The following SLIT3 variants were observed in gnomAD, a reference collection of about 807,000 sequenced individuals.
SLIT3 encodes slit guidance ligand 3.
A neutral mutation model predicts 184.0 loss-of-function variants in SLIT3; 68 were observed. That is an observed-to-expected ratio of 0.37 (90% CI 0.30 to 0.45). The LOEUF (loss-of-function observed/expected upper bound fraction) is 0.45, where lower values mean the gene tolerates loss of function less well. Ranked by LOEUF, SLIT3 falls within the 20% of genes least tolerant of loss-of-function variation. The pLI, the probability that SLIT3 is intolerant of heterozygous loss-of-function variation, is 1.00. For synonymous variants in SLIT3, 831 were observed against 828.6 expected, an observed-to-expected ratio of 1.00 and a Z score of -0.05; for missense variants, 1,707 against 2,026.0, an observed-to-expected ratio of 0.84 and a Z score of 3.02.
In SLIT3 at chr5:168,967,437, C is replaced by CTTTTTTTTTTTTTTT. The variant is rs540309809; in HGVS notation, c.414-84116_414-84102dup. On this transcript the variant is annotated intron_variant, in intron 4 of 35. Coordinates refer to ENST00000519560, the MANE Select transcript of SLIT3 (RefSeq NM_003062.4). ...TTCCTCTGGCACTGCCATCTCAAAT[C>CTTTTTTTTTTTTTTT]TTTTTTTTTTTTTTTTTTTTGAGAC... Among the ~76,000 whole-genome samples, 16 of 32,736 alleles carry CTTTTTTTTTTTTTTT rather than the reference C, an allele frequency of 4.9e-4. 4 individuals are homozygous for CTTTTTTTTTTTTTTT. The highest frequency in any genetic ancestry group is 4.4e-3 in the East Asian group (2 of 450). The allele number at this position is 32,736 out of a possible 152,430, so 21.5% of individuals were successfully genotyped here.
At chr5:168,712,510 G>A in intron 23 of SLIT3, 156 bp from the exon 24 acceptor site, 1 of 659,508 alleles carries the variant, frequency 1.5e-6, no homozygotes, top group Non-Finnish European at 2.7e-6. Context: ...CTGGGTGCAT[G>A]AATGTTCTAT....
Position 168,764,113 on chromosome 5 carries a change from A to G in SLIT3, c.1460-1424T>C, listed in dbSNP as rs184118363. ...TTATCTTCCAGGGGCTGTTGTGCAGATGAAAGTAACATTAAGGAGGTGGAG... is the reference window on the plus strand; with the variant it reads ...TTATCTTCCAGGGGCTGTTGTGCAGGTGAAAGTAACATTAAGGAGGTGGAG... On this transcript the variant is annotated intron_variant, in intron 14 of 35. Coordinates refer to ENST00000519560, the MANE Select transcript of SLIT3 (RefSeq NM_003062.4). 3.6e-3 allele frequency among the ~76,000 whole-genome samples: 546 copies of G among 152,302 alleles called. 3 individuals carry two copies. The highest frequency in any genetic ancestry group is 0.012 in the African/African-American group (511 of 41,564).
chr5:168,850,442 T>TAC (rs1416078952), intron 5 of SLIT3, among the ~76,000 whole-genome samples: 7 of 152,390 alleles, frequency 4.6e-5, no homozygotes, highest in Non-Finnish European at 7.3e-5. Context: ...CATATGTAGT[T>TAC]ACATGTAATA....
chr5:168,716,868 G>C lies in SLIT3; in HGVS notation c.2484-4514C>G, dbSNP rs542524039. On this transcript the variant is annotated intron_variant, in intron 23 of 35. Coordinates refer to ENST00000519560, the MANE Select transcript of SLIT3 (RefSeq NM_003062.4). ...GTAGAATGTGGTAGAAAGAGCACTG[G>C]GCTAGGAGCCCAGAGGTGAGTCCCA... 5.9e-3 allele frequency among the ~76,000 whole-genome samples: 892 copies of C among 150,216 alleles called. 5 individuals carry two copies. Among genetic ancestry groups the C allele is most frequent in the South Asian group, 0.011 (53 of 4,750 alleles).
intron 1 of SLIT3, among the ~76,000 whole-genome samples, chr5:169,297,231 G>GA (rs1188246907): frequency 6.6e-6 from 1 of 152,180 alleles, no homozygotes; most frequent in Non-Finnish European, 1.5e-5. Flanking sequence ...CATGGAGGGG[G>GA]AAAAATTGTC....
intron 4 of SLIT3, among the ~76,000 whole-genome samples, chr5:169,011,946 C>CTT (rs35743496): frequency 0.067 from 9,429 of 140,594 alleles, 991 homozygotes; most frequent in African/African-American, 0.22. Flanking sequence ...TTCTTTCTTG[C>CTT]TTTTTTTTTT....
chr5:169,299,729 G>A (rs1348116435), intron 1 of SLIT3, among the ~76,000 whole-genome samples: 1 of 152,172 alleles, frequency 6.6e-6, no homozygotes, highest in Non-Finnish European at 1.5e-5. Context: ...TAAAACTAGG[G>A]TCAATCCACC....
chr5:168,899,183 GA>G (rs1483398691), intron 4 of SLIT3, among the ~76,000 whole-genome samples: 1 of 142,534 alleles, frequency 7.0e-6, no homozygotes, highest in Non-Finnish European at 1.6e-5. Context: ...CTTAAGAACA[GA>G]AAACAAAGAG....
intron 3 of SLIT3, among the ~76,000 whole-genome samples, chr5:169,217,234 G>A (rs1401513186): frequency 1.3e-5 from 2 of 151,898 alleles, no homozygotes; most frequent in African/African-American, 2.4e-5. Flanking sequence ...ATAAATTGGT[G>A]TGAAGACAGC....
intron 3 of SLIT3, among the ~76,000 whole-genome samples, chr5:169,221,708 C>G (rs141170296): frequency 7.2e-5 from 11 of 152,290 alleles, no homozygotes; most frequent in African/African-American, 2.4e-4. Context: ...CTGACTCCCC[C>G]GCCAGCCATC....
intron 4 of SLIT3, among the ~76,000 whole-genome samples, chr5:169,136,930 C>G (rs7721204): frequency 0.053 from 8,114 of 152,128 alleles, 254 homozygotes; most frequent in Middle Eastern, 0.11. Flanking sequence ...CTATTTTGCC[C>G]AGGCTGGCCT....
intron 28 of SLIT3, among the ~76,000 whole-genome samples, chr5:168,694,626 TTTC>T (rs1170482926): frequency 1.3e-5 from 2 of 152,160 alleles, no homozygotes; most frequent in Non-Finnish European, 1.5e-5. Flanking sequence ...TCTCTCTTTC[TTTC>T]TTTTTTTGAG....
intron 31 of SLIT3, among the ~76,000 whole-genome samples, chr5:168,685,466 T>C (rs888510676): frequency 1.3e-5 from 2 of 152,198 alleles, no homozygotes; most frequent in Non-Finnish European, 2.9e-5. Flanking sequence ...TCTGGAGGAA[T>C]GAGTGAATGA....
chr5:168,925,103 G>A (rs761393619), intron 4 of SLIT3, among the ~76,000 whole-genome samples: 9 of 152,148 alleles, frequency 5.9e-5, no homozygotes, highest in Admixed American at 1.3e-4. Context: ...GTCTGGGTTT[G>A]GCTACAAGTA....
chr5:168,708,001 C>A lies in SLIT3; in HGVS notation c.2819G>T (p.Arg940Leu). The change falls in exon 26 of 36, where the codon CGC becomes CTC. Residue 940 changes from arginine to leucine, a missense_variant. By Grantham distance (102) the Arg-to-Leu change is moderately radical. This residue lies in a region of SLIT3 where 1,307 missense variants were observed against 1,511.6 expected (regional missense o/e 0.86). Transcript: ENST00000519560. Reference sequence around the variant, plus strand: ...CTTGTAGCTGTAGGGGCAGGCACAGCGGTACAGCTCCACAGGGTCCTGGGT... The same window carrying A: ...CTTGTAGCTGTAGGGGCAGGCACAGAGGTACAGCTCCACAGGGTCCTGGGT... ...TCTQDPVELY[R>L]CACPYSYKGK... 1 of 1,614,110 alleles carries A rather than the reference C, an allele frequency of 6.2e-7. No individual in the cohort carries two copies. Among genetic ancestry groups the A allele is most frequent in the East Asian group, 2.2e-5 (1 of 44,870 alleles).
intron 4 of SLIT3, among the ~76,000 whole-genome samples, chr5:169,146,340 G>C (rs1581457325): frequency 6.6e-6 from 1 of 152,352 alleles, no homozygotes; most frequent in South Asian, 2.1e-4. Context: ...ACATGACGCA[G>C]TGTTTGGCCC....
chr5:168,690,886 A>G (rs1485682493), intron 29 of SLIT3, among the ~76,000 whole-genome samples: 1 of 152,156 alleles, frequency 6.6e-6, no homozygotes, highest in African/African-American at 2.4e-5. Flanking sequence ...GATAAAAGAC[A>G]TGCTCATGTC....
chr5:169,259,221 G>T (rs1303885766), intron 1 of SLIT3, among the ~76,000 whole-genome samples: 2 of 151,966 alleles, frequency 1.3e-5, no homozygotes, highest in Non-Finnish European at 2.9e-5. Context: ...ACCACATCTG[G>T]CTAATTTTTG....
At chr5:169,199,415 C>G (rs529216345) in intron 3 of SLIT3, among the ~76,000 whole-genome samples, 57 of 152,180 alleles carry the variant, frequency 3.7e-4, no homozygotes, top group Non-Finnish European at 7.1e-4. Flanking sequence ...AATTACCAAT[C>G]CCTAATGAGA....
Sources: allele counts gnomAD v4.1 joint callset (sites outside exome capture counted in the v4.1 genomes callset), GRCh38; gene constraint gnomAD v4.1.1; regional missense constraint gnomAD v4.1.1; transcripts MANE v1.5; gene names NCBI Gene and HGNC (gene_info 2026-07-23, HGNC 2026-07-21).